PDE8B: variants seen among roughly 807,000 people sequenced by gnomAD.
PDE8B encodes the protein phosphodiesterase 8B.
PDE8B carries 26 observed loss-of-function variants against 101.3 expected under a neutral mutation model. The observed-to-expected ratio is 0.26, with a 90% CI of 0.19 to 0.36. The LOEUF is 0.36. Among genes scored for constraint, PDE8B ranks in the 10% least tolerant of loss-of-function variants. The probability of loss-of-function intolerance (pLI) is 1.00; values close to 1 mark genes in which losing one functional copy is unlikely to be tolerated. For synonymous variants in PDE8B, 424 were observed against 429.3 expected, an observed-to-expected ratio of 0.99 and a Z score of 0.15; for missense variants, 810 against 1,163.1, an observed-to-expected ratio of 0.70 and a Z score of 4.42.
intron 10 of PDE8B, among the ~76,000 whole-genome samples, chr5:77,392,905 T>TAAAA (rs913388259): frequency 3.9e-5 from 6 of 152,210 alleles, no homozygotes; most frequent in African/African-American, 1.4e-4. Context: ...CAATGAGAGA[T>TAAAA]ACTTAACATT....
At chr5:77,280,581 A>T (rs1764768223) in intron 1 of PDE8B, among the ~76,000 whole-genome samples, 1 of 152,156 alleles carries the variant, frequency 6.6e-6, no homozygotes, top group Admixed American at 6.5e-5. Flanking sequence ...TTTTTTCCTA[A>T]TCTCTTTACT....
intron 1 of PDE8B, among the ~76,000 whole-genome samples, chr5:77,274,332 G>A (rs1043736552): frequency 2.0e-5 from 3 of 152,110 alleles, no homozygotes; most frequent in African/African-American, 4.8e-5. Flanking sequence ...GGTCATCTGC[G>A]GCAGGGCTGG....
rs559561574 is a variant in PDE8B at position 77,425,655 on chromosome 5, T to C, written c.2419-112T>C. The C allele has an allele frequency of 7.7e-5, 85 of 1,097,340 alleles. 1 individual carries two copies. The highest frequency in any genetic ancestry group is 6.1e-4 in the South Asian group (49 of 79,820). 68.0% of individuals were successfully genotyped at this position (1,097,340 alleles called of 1,614,324 possible). A position where few individuals can be genotyped will look rare whatever the true frequency, so the allele number is the denominator to read the frequency against. ...GGACCTTGCTGAGCCTATTTCTTCA[T>C]TGAGAAAACTGGATAATGACCCATT... On this transcript the variant is annotated intron_variant, in intron 20 of 21. Coordinates refer to ENST00000264917, the MANE Select transcript of PDE8B (RefSeq NM_003719.5).
intron 14 of PDE8B, among the ~76,000 whole-genome samples, chr5:77,409,994 G>A (rs1794218267): frequency 6.6e-6 from 1 of 152,184 alleles, no homozygotes; most frequent in Admixed American, 6.5e-5. Flanking sequence ...CTGCAAGAAG[G>A]TGGCCACCGC....
chr5:77,095,125 T>C, the PDE8B span, among the ~76,000 whole-genome samples: 12 of 152,320 alleles, frequency 7.9e-5, 1 homozygote, highest in East Asian at 1.5e-3. Context: ...AGGAGCATTA[T>C]TGTGGTAGAG....
intron 1 of PDE8B, among the ~76,000 whole-genome samples, chr5:77,238,917 G>C (rs890482958): frequency 1.3e-5 from 2 of 152,190 alleles, no homozygotes; most frequent in Non-Finnish European, 2.9e-5. Context: ...CAGATTGTAT[G>C]ATGTCCACCC....
In PDE8B at chr5:77,211,110, C is replaced by A. The variant is rs775935554; in HGVS notation, c.185C>A (p.Pro62His). 8 of 1,503,154 alleles carry A rather than the reference C, an allele frequency of 5.3e-6. No individual in the cohort carries two copies. The South Asian group carries it at 9.9e-5, about 19-fold the overall frequency. 93.1% of individuals were successfully genotyped at this position (1,503,154 alleles called of 1,614,324 possible). Reference protein sequence around the residue: ...AIPPSRASGPPSVARVRRART... With the variant: ...AIPPSRASGPHSVARVRRART... ...CCCCCGAGCCGCGCGTCGGGACCCC[C>A]CAGCGTAGCCCGCGTCCGCAGGGCC... Residue 62 changes from proline to histidine, a missense_variant, in exon 1 of 22, where the codon CCC becomes CAC. Around this residue, in one of 4 missense-constraint regions of PDE8B, gnomAD observed 159 missense variants for 146.6 expected, o/e 1.08. Coordinates refer to ENST00000264917, the MANE Select transcript of PDE8B (RefSeq NM_003719.5). The surrounding 1 kb of genome is among the most constrained non-coding windows in gnomAD (Gnocchi z 4.1).
At chr5:77,188,302 A>T in the PDE8B span, among the ~76,000 whole-genome samples, 1 of 152,176 alleles carries the variant, frequency 6.6e-6, no homozygotes. Flanking sequence ...CTTACTATGA[A>T]CATCTTTGTC....
chr5:77,313,860 T>G (rs183407170), intron 2 of PDE8B, among the ~76,000 whole-genome samples: 7 of 152,346 alleles, frequency 4.6e-5, no homozygotes, highest in African/African-American at 1.7e-4. Context: ...ACTCTTCGTA[T>G]GTATGTGTCC....
At chr5:77,363,797 A>C (rs1375763903) in intron 10 of PDE8B, among the ~76,000 whole-genome samples, 4 of 152,044 alleles carry the variant, frequency 2.6e-5, no homozygotes, top group Non-Finnish European at 5.9e-5. Context: ...GAGAGGAGAT[A>C]ATCAAGCATG....
chr5:77,141,510 A>G, the PDE8B span: 1 of 152,192 alleles, frequency 6.6e-6, no homozygotes, highest in African/African-American at 2.4e-5. Flanking sequence ...TCTATGGGGC[A>G]TTGGAATTGT....
intron 3 of PDE8B, among the ~76,000 whole-genome samples, chr5:77,327,973 G>A: frequency 6.6e-6 from 1 of 152,160 alleles, no homozygotes; most frequent in Admixed American, 6.5e-5. Context: ...AGCAATACGA[G>A]CTGGCTGTCC....
chr5:77,179,728 C>A, the PDE8B span, among the ~76,000 whole-genome samples: 114 of 152,176 alleles, frequency 7.5e-4, no homozygotes, highest in Non-Finnish European at 1.4e-3. Flanking sequence ...AACTTCAGCC[C>A]CTAATAGATT....
At chr5:77,154,659 A>C in the PDE8B span, among the ~76,000 whole-genome samples, 2 of 152,322 alleles carry the variant, frequency 1.3e-5, no homozygotes, top group East Asian at 3.9e-4. Context: ...GTATAGCATC[A>C]TCATCTCCCA....
chr5:77,274,624 G>T (rs927557840), intron 1 of PDE8B, among the ~76,000 whole-genome samples: 2 of 152,122 alleles, frequency 1.3e-5, no homozygotes, highest in Non-Finnish European at 2.9e-5. Context: ...AAATTTAGAA[G>T]ATTAATGTGC....
chr5:77,301,892 T>TG (rs1554075743), intron 1 of PDE8B, among the ~76,000 whole-genome samples: 1 of 152,220 alleles, frequency 6.6e-6, no homozygotes. Flanking sequence ...TTTGGGGTTT[T>TG]TTTTGTTTTG....
At chr5:77,422,387 A>G (rs1194491667) in intron 20 of PDE8B, among the ~76,000 whole-genome samples, 2 of 152,184 alleles carry the variant, frequency 1.3e-5, no homozygotes, top group African/African-American at 2.4e-5. Flanking sequence ...CCAATAGGGG[A>G]GAGATGTAGA....
At chr5:77,402,268 T>C (rs1286870957) in intron 11 of PDE8B, among the ~76,000 whole-genome samples, 1 of 151,860 alleles carries the variant, frequency 6.6e-6, no homozygotes, top group Non-Finnish European at 1.5e-5. Flanking sequence ...AAAATATATA[T>C]ATATAGAAAC....
chr5:77,283,475 C>T (rs966517582), intron 1 of PDE8B, among the ~76,000 whole-genome samples: 1 of 152,212 alleles, frequency 6.6e-6, no homozygotes, highest in Non-Finnish European at 1.5e-5. Flanking sequence ...CCTCTGTGCC[C>T]CACCTATTCA....
Sources: allele counts gnomAD v4.1 joint callset (sites outside exome capture counted in the v4.1 genomes callset), GRCh38; gene constraint gnomAD v4.1.1; regional missense constraint gnomAD v4.1.1; non-coding constraint Gnocchi (gnomAD v3.1); transcripts MANE v1.5; gene names NCBI Gene and HGNC (gene_info 2026-07-23, HGNC 2026-07-21).